FAM151B: variants seen among roughly 807,000 people sequenced by gnomAD.
FAM151B encodes family with sequence similarity 151 member B.
Under a neutral mutation model 31.2 loss-of-function variants are expected in FAM151B, and 24 were observed. That is an observed-to-expected ratio of 0.77 (90% confidence interval 0.56 to 1.08). FAM151B has a LOEUF of 1.08. FAM151B is among the 50% of genes least tolerant of loss of function. The pLI is 0.00. For missense variants in FAM151B, 293 were observed against 328.6 expected, an observed-to-expected ratio of 0.89 and a Z score of 0.84; for synonymous variants, 105 against 111.4, an observed-to-expected ratio of 0.94 and a Z score of 0.36.
chr5:80,501,954 A>G (rs1198383285), intron 2 of FAM151B, 37 bp downstream of exon 2: 2 of 1,485,502 alleles, frequency 1.3e-6, no homozygotes, highest in African/African-American at 1.4e-5. Flanking sequence ...TACTTTGGAT[A>G]ATAGATTAAT....
chr5:80,538,319 G>A (rs10462576), intron 5 of FAM151B, among the ~76,000 whole-genome samples: 32,574 of 151,202 alleles, frequency 0.22, 3,727 homozygotes, highest in Non-Finnish European at 0.26. Flanking sequence ...CACCTGCTTC[G>A]GCCTCCCAAA....
intron 3 of FAM151B, among the ~76,000 whole-genome samples, chr5:80,515,536 A>G (rs1250567994): frequency 6.6e-6 from 1 of 152,106 alleles, no homozygotes; most frequent in African/African-American, 2.4e-5. Context: ...TTGCCCCTTG[A>G]ATTGTTTCCT....
intron 5 of FAM151B, among the ~76,000 whole-genome samples, chr5:80,538,486 CCTTCCTTCCTTCCTTTCTTT>C (rs1745686459): frequency 8.4e-6 from 1 of 118,960 alleles, no homozygotes; most frequent in African/African-American, 3.7e-5. Context: ...TTCTTTCTTT[CCTTCCTTCCTTCCTTTCTTT>C]TCTTTCTTTC....
chr5:80,494,582 G>A (rs1457887542), intron 1 of FAM151B, among the ~76,000 whole-genome samples: 1 of 150,648 alleles, frequency 6.6e-6, no homozygotes, highest in Non-Finnish European at 1.5e-5. Context: ...GCATGATCGT[G>A]GCTAATTGCA....
intron 5 of FAM151B, among the ~76,000 whole-genome samples, chr5:80,525,834 C>T (rs1580446656): frequency 6.6e-6 from 1 of 151,578 alleles, no homozygotes; most frequent in East Asian, 1.9e-4. Flanking sequence ...CCAGAAAGTA[C>T]AGGCTTCTAA....
intron 3 of FAM151B, among the ~76,000 whole-genome samples, chr5:80,517,401 G>T (rs1412839233): frequency 6.6e-6 from 1 of 152,120 alleles, no homozygotes; most frequent in East Asian, 1.9e-4. Flanking sequence ...TTATTTTGTT[G>T]TTTAGGAAAG....
At chr5:80,516,328 A>G (rs1176080040) in intron 3 of FAM151B, among the ~76,000 whole-genome samples, 1 of 152,198 alleles carries the variant, frequency 6.6e-6, no homozygotes. Context: ...CCATCTCAAA[A>G]AAAAAGTATT....
At chr5:80,517,914 A>C (rs1744534602) in intron 3 of FAM151B, among the ~76,000 whole-genome samples, 1 of 152,062 alleles carries the variant, frequency 6.6e-6, no homozygotes, top group Non-Finnish European at 1.5e-5. Flanking sequence ...TCTACTGAAA[A>C]TACAAAAATT....
intron 2 of FAM151B, among the ~76,000 whole-genome samples, chr5:80,505,470 C>T (rs1430310804): frequency 6.6e-6 from 1 of 151,422 alleles, no homozygotes; most frequent in African/African-American, 2.4e-5. Flanking sequence ...TCTCGGCTCA[C>T]TGCAAGCTCC....
rs561868812 is a variant in FAM151B, at chr5:80,520,466, G to A, written c.535+556G>A. Among the ~76,000 whole-genome samples the A allele has an allele frequency of 3.0e-4, 45 of 151,810 alleles. No individual in the cohort carries two copies. In the East Asian group the frequency reaches 6.8e-3, roughly 23 times the overall value. ...TTGAGACCAGCCTGGCCAGCATGACGAAACCCCGTCTCTACTAAAAATACA... is the reference window on the plus strand; with the variant it reads ...TTGAGACCAGCCTGGCCAGCATGACAAAACCCCGTCTCTACTAAAAATACA... On this transcript the variant is annotated intron_variant, in intron 4 of 5. Transcript: ENST00000282226.
chr5:80,519,542 C>A, intron 3 of FAM151B, 151 bp from the exon 4 acceptor site: 1 of 651,556 alleles, frequency 1.5e-6, no homozygotes. Context: ...TAGCTTTTCC[C>A]TCTGGTGCTA....
chr5:80,538,466 CTTT>C (rs1745676667), intron 5 of FAM151B, among the ~76,000 whole-genome samples: 1 of 121,314 alleles, frequency 8.2e-6, no homozygotes, highest in African/African-American at 3.3e-5. Flanking sequence ...TTCTTTCTTT[CTTT>C]CTTTCTTTCT....
chr5:80,532,265 T>C (rs1561379420), intron 5 of FAM151B, among the ~76,000 whole-genome samples: 1 of 150,540 alleles, frequency 6.6e-6, no homozygotes, highest in Non-Finnish European at 1.5e-5. Context: ...ATATACCTAA[T>C]GTAAATGATG....
chr5:80,518,075 GAAAAAAAA>G (rs796173147), intron 3 of FAM151B, among the ~76,000 whole-genome samples: 10 of 72,772 alleles, frequency 1.4e-4, no homozygotes, highest in South Asian at 4.9e-4. Flanking sequence ...CCATCTCAAA[GAAAAAAAA>G]AAAAAAAAAA....
intron 5 of FAM151B, among the ~76,000 whole-genome samples, chr5:80,524,274 C>T (rs1421357465): frequency 2.0e-5 from 3 of 151,960 alleles, no homozygotes; most frequent in African/African-American, 7.2e-5. Context: ...AGCCTATATT[C>T]CATTTGGGTA....
At chr5:80,518,424 T>C (rs923379326) in intron 3 of FAM151B, among the ~76,000 whole-genome samples, 4 of 151,984 alleles carry the variant, frequency 2.6e-5, no homozygotes, top group Non-Finnish European at 5.9e-5. Flanking sequence ...CTACGAAAAA[T>C]GGAATTTTGT....
intron 5 of FAM151B, among the ~76,000 whole-genome samples, chr5:80,540,984 C>T (rs1745859470): frequency 6.6e-6 from 1 of 152,196 alleles, no homozygotes; most frequent in Non-Finnish European, 1.5e-5. Flanking sequence ...AACTGCTTAA[C>T]AGCTTTGCAT....
At chr5:80,491,764 T>C (rs1174376459) in intron 1 of FAM151B, among the ~76,000 whole-genome samples, 1 of 152,214 alleles carries the variant, frequency 6.6e-6, no homozygotes, top group Non-Finnish European at 1.5e-5. Flanking sequence ...CTTAGCATAC[T>C]GCCCTCCAGG....
intron 5 of FAM151B, among the ~76,000 whole-genome samples, chr5:80,537,987 A>G (rs1022347470): frequency 2.0e-5 from 3 of 152,116 alleles, no homozygotes; most frequent in South Asian, 2.1e-4. Context: ...ACTAACTACA[A>G]TTGTTAGTTT....
Sources: gnomAD v4.1 joint callset for allele counts (sites outside exome capture counted in the v4.1 genomes callset) on GRCh38, gnomAD v4.1.1 for gene constraint, MANE v1.5 for transcripts, NCBI Gene and HGNC (gene_info 2026-07-23, HGNC 2026-07-21) for gene names.